Variants in GABRG3 observed in about 807,000 individuals in gnomAD.
GABRG3 encodes gamma-aminobutyric acid receptor subunit gamma-3.
A neutral mutation model predicts 48.8 loss-of-function variants in GABRG3; 25 were observed. The observed-to-expected ratio is 0.51, with a 90% CI of 0.37 to 0.72. The LOEUF is 0.72. Ranked by LOEUF, GABRG3 falls within the 30% of genes least tolerant of loss-of-function variation. The pLI is 0.00. For missense variants in GABRG3, 394 were observed against 577.9 expected, an observed-to-expected ratio of 0.68 and a Z score of 3.26; for synonymous variants, 227 against 217.6, an observed-to-expected ratio of 1.04 and a Z score of -0.38.
At chr15:27,115,574 A>G (rs1897627187) in intron 3 of GABRG3, among the ~76,000 whole-genome samples, 1 of 152,182 alleles carries the variant, frequency 6.6e-6, no homozygotes, top group African/African-American at 2.4e-5. Flanking sequence ...CAGTATTGCC[A>G]ATGATTATGT....
At chr15:27,515,712 G>A (rs1340628085) in intron 6 of GABRG3, among the ~76,000 whole-genome samples, 2 of 152,196 alleles carry the variant, frequency 1.3e-5, no homozygotes, top group African/African-American at 2.4e-5. Context: ...ATAAAGAAAT[G>A]TGGTATCTAT....
chr15:27,323,303 T>C (rs1037606272), intron 3 of GABRG3, among the ~76,000 whole-genome samples: 3 of 152,232 alleles, frequency 2.0e-5, no homozygotes, highest in Admixed American at 6.5e-5. Context: ...CAAAAAGCTT[T>C]GAACAATTTC....
intron 6 of GABRG3, among the ~76,000 whole-genome samples, chr15:27,493,910 G>C (rs985945432): frequency 5.9e-5 from 9 of 152,170 alleles, no homozygotes; most frequent in African/African-American, 2.2e-4. Flanking sequence ...AATTATTGTA[G>C]GTCTTAGGTG....
chr15:27,166,502 T>C (rs1049914376), intron 3 of GABRG3, among the ~76,000 whole-genome samples: 1 of 151,922 alleles, frequency 6.6e-6, no homozygotes, highest in Non-Finnish European at 1.5e-5. Context: ...GCCTCTAGGG[T>C]AATAAAGGTC....
intron 3 of GABRG3, among the ~76,000 whole-genome samples, chr15:27,033,611 A>G (rs1249323674): frequency 3.3e-5 from 5 of 152,154 alleles, no homozygotes; most frequent in Admixed American, 6.5e-5. Context: ...GAACGACACT[A>G]AAGGATACGA....
intron 3 of GABRG3, among the ~76,000 whole-genome samples, chr15:27,186,921 A>C (rs1252982785): frequency 2.0e-5 from 3 of 152,044 alleles, no homozygotes; most frequent in African/African-American, 7.3e-5. Flanking sequence ...GAAGGTCTTT[A>C]ATTAGGTTTC....
intron 5 of GABRG3, among the ~76,000 whole-genome samples, chr15:27,415,965 T>C (rs1380968487): frequency 6.6e-6 from 1 of 152,094 alleles, no homozygotes; most frequent in African/African-American, 2.4e-5. Context: ...TTGCAACATA[T>C]GGATTACCAT....
At chr15:27,498,976 TG>T (rs1890553831) in intron 6 of GABRG3, among the ~76,000 whole-genome samples, 2 of 152,204 alleles carry the variant, frequency 1.3e-5, no homozygotes, top group African/African-American at 2.4e-5. Context: ...GTGATGTGGC[TG>T]CGCTTAGTCC....
chr15:27,096,642 TTGCATA>T (rs1897269091), intron 3 of GABRG3, among the ~76,000 whole-genome samples: 1 of 152,146 alleles, frequency 6.6e-6, no homozygotes, highest in African/African-American at 2.4e-5. Flanking sequence ...TAACTTCTGT[TTGCATA>T]TGTTTTTCAA....
chr15:27,198,396 A>G (rs190526906), intron 3 of GABRG3, among the ~76,000 whole-genome samples: 1 of 152,242 alleles, frequency 6.6e-6, no homozygotes. Context: ...TATGAAAAAA[A>G]GATCATCATC....
At chr15:27,302,441 G>A (rs1053303958) in intron 3 of GABRG3, among the ~76,000 whole-genome samples, 10 of 151,994 alleles carry the variant, frequency 6.6e-5, no homozygotes, top group Middle Eastern at 3.2e-3. Context: ...AAGAAGATAC[G>A]AGTTCTAAAT....
intron 3 of GABRG3, among the ~76,000 whole-genome samples, chr15:27,197,443 C>A (rs949865870): frequency 2.0e-5 from 3 of 150,778 alleles, no homozygotes; most frequent in African/African-American, 7.3e-5. Flanking sequence ...GCAACTTAAG[C>A]CCCCACTCTA....
At chr15:27,256,982 A>T (rs1890639679) in intron 3 of GABRG3, among the ~76,000 whole-genome samples, 3 of 152,176 alleles carry the variant, frequency 2.0e-5, no homozygotes, top group Admixed American at 2.0e-4. Context: ...TGATTTTGTG[A>T]GGAACCTCCA....
At chr15:27,149,740 A>G (rs1429984039) in intron 3 of GABRG3, among the ~76,000 whole-genome samples, 4 of 152,178 alleles carry the variant, frequency 2.6e-5, no homozygotes, top group African/African-American at 4.8e-5. Context: ...AAGGAGCACA[A>G]TCCTGCCAAA....
chr15:27,372,661 G>C (rs1895453324), intron 5 of GABRG3, among the ~76,000 whole-genome samples: 1 of 152,140 alleles, frequency 6.6e-6, no homozygotes. Context: ...CGAAGTACTA[G>C]GCCACCGTGC....
At chr15:27,163,003 C>T (rs1350400434) in intron 3 of GABRG3, among the ~76,000 whole-genome samples, 1 of 151,898 alleles carries the variant, frequency 6.6e-6, no homozygotes, top group Non-Finnish European at 1.5e-5. Flanking sequence ...AGCTCTGGAG[C>T]CTGGGCTGGT....
At chr15:27,062,434 TAAAA>T (rs57903886) in intron 3 of GABRG3, among the ~76,000 whole-genome samples, 15 of 32,864 alleles carry the variant, frequency 4.6e-4, no homozygotes, top group Middle Eastern at 0.071. Context: ...CCATCTCTAC[TAAAA>T]AAAAAAAAAA....
At position 27,527,936 on chromosome 15, in the gene GABRG3, C is replaced by A; in HGVS notation, c.1066C>A (p.Leu356Ile). Residue 356 changes from leucine to isoleucine, a missense_variant, in exon 9 of 10, where the codon CTA becomes ATA. Around this residue, in one of 3 missense-constraint regions of GABRG3, gnomAD observed 126 missense variants for 155.5 expected, o/e 0.81. Coordinates refer to ENST00000615808, the MANE Select transcript of GABRG3 (RefSeq NM_033223.5). ...ATTTTTTCTTCTTTTCTTGTAGTTA[C>A]TACATCCAGATTCCTCAAGATGGAT... Reference protein sequence around the residue: ...PTTTKKTTSLLHPDSSRWIPE... With the variant: ...PTTTKKTTSLIHPDSSRWIPE... 6.3e-7 allele frequency: 1 copy of A among 1,581,894 alleles called. No individual in the cohort carries two copies. Among genetic ancestry groups the A allele is most frequent in the Non-Finnish European group, 8.6e-7 (1 of 1,161,266 alleles).
chr15:27,377,940 A>G (rs2140561470), intron 5 of GABRG3, among the ~76,000 whole-genome samples: 2 of 152,320 alleles, frequency 1.3e-5, no homozygotes, highest in Middle Eastern at 6.8e-3. Context: ...GATTTGGGGA[A>G]TTCAGATAGC....
Sources: gnomAD v4.1 joint callset for allele counts (sites outside exome capture counted in the v4.1 genomes callset) on GRCh38, gnomAD v4.1.1 for gene constraint, gnomAD v4.1.1 regional missense constraint, MANE v1.5 for transcripts, NCBI Gene and HGNC (gene_info 2026-07-23, HGNC 2026-07-21) for gene names.